Variants in GPM6A observed in about 807,000 individuals in gnomAD.
GPM6A encodes the protein glycoprotein M6A.
A neutral mutation model predicts 32.1 loss-of-function variants in GPM6A; 7 were observed. The ratio of observed to expected loss-of-function variants is 0.22; its 90% CI spans 0.12 to 0.41. The LOEUF is 0.41. GPM6A is among the 10% of genes least tolerant of loss of function. GPM6A has a pLI of 1.00. For synonymous variants in GPM6A, 130 were observed against 123.4 expected (o/e 1.05, Z -0.35); for missense variants, 235 against 347.2 (o/e 0.68, Z 2.57).
intron 1 of GPM6A, among the ~76,000 whole-genome samples, chr4:175,851,873 C>A (rs1183819473): frequency 6.6e-6 from 1 of 152,076 alleles, no homozygotes; most frequent in Non-Finnish European, 1.5e-5. Flanking sequence ...TCCAGTAAAA[C>A]CTGTTTTATG....
intron 1 of GPM6A, among the ~76,000 whole-genome samples, chr4:175,863,618 T>C (rs922530556): frequency 1.3e-5 from 2 of 152,226 alleles, no homozygotes; most frequent in African/African-American, 4.8e-5. Flanking sequence ...ATTACTGGTT[T>C]ATGAAAGCAC....
At chr4:175,785,366 T>C (rs1457987255) in intron 1 of GPM6A, among the ~76,000 whole-genome samples, 2 of 152,116 alleles carry the variant, frequency 1.3e-5, no homozygotes, top group Non-Finnish European at 2.9e-5. Context: ...CAGCATCACA[T>C]AGAACAGAAG....
At chr4:175,701,490 A>T in intron 2 of GPM6A, 85 bp downstream of exon 2, 1 of 924,000 alleles carries the variant, frequency 1.1e-6, no homozygotes. Flanking sequence ...TTATCACCTC[A>T]TCTAACTGTA....
intron 1 of GPM6A, among the ~76,000 whole-genome samples, chr4:175,733,712 G>C (rs1261669034): frequency 6.6e-6 from 1 of 151,954 alleles, no homozygotes; most frequent in Non-Finnish European, 1.5e-5. Context: ...TTCTATCTCT[G>C]AGAGACTATG....
At chr4:175,842,934 C>A (rs1364579418) in intron 1 of GPM6A, among the ~76,000 whole-genome samples, 1 of 151,042 alleles carries the variant, frequency 6.6e-6, no homozygotes, top group Non-Finnish European at 1.5e-5. Flanking sequence ...AATGATAATT[C>A]CTTATTAATA....
chr4:175,998,408 T>C (rs1031162415), intron 1 of GPM6A, among the ~76,000 whole-genome samples: 1 of 152,122 alleles, frequency 6.6e-6, no homozygotes, highest in Non-Finnish European at 1.5e-5. Flanking sequence ...CAGCTCGTCC[T>C]GCCTCTCAAA....
chr4:175,810,631 C>T (rs1383141597), intron 1 of GPM6A, among the ~76,000 whole-genome samples: 1 of 152,220 alleles, frequency 6.6e-6, no homozygotes, highest in Non-Finnish European at 1.5e-5. Context: ...CATGATTTAA[C>T]TCAAGGTTTT....
chr4:175,739,983 C>G (rs1247808549), intron 1 of GPM6A, among the ~76,000 whole-genome samples: 1 of 151,862 alleles, frequency 6.6e-6, no homozygotes, highest in African/African-American at 2.4e-5. Context: ...TCAAAAATGA[C>G]TTTAAAAAAG....
Position 175,910,257 on chromosome 4 carries a change from G to A in GPM6A, c.-23+92052C>T, listed in dbSNP as rs572873863. 3.3e-5 allele frequency among the ~76,000 whole-genome samples: 5 copies of A among 152,194 alleles called. No individual in the cohort carries two copies. The South Asian group carries it at 1.0e-3, about 32-fold the overall frequency. On this transcript the variant is annotated intron_variant, in intron 1 of 7. Transcript: ENST00000280187. ...GTGTTTCTACCATATGTCTTCTCTG[G>A]CTATTCTTAGGCTACATAAATTTCA...
chr4:175,698,585 T>C (rs1032056972), intron 2 of GPM6A, among the ~76,000 whole-genome samples: 1 of 152,176 alleles, frequency 6.6e-6, no homozygotes, highest in African/African-American at 2.4e-5. Context: ...TTGGCACTAA[T>C]CGTATTAAGA....
chr4:175,688,332 G>T (rs1744108476), intron 2 of GPM6A, among the ~76,000 whole-genome samples: 2 of 152,030 alleles, frequency 1.3e-5, no homozygotes, highest in Admixed American at 6.6e-5. Context: ...ATAATTTTAG[G>T]TCTTACATTT....
At chr4:175,987,524 T>TTGTGTGTGTGTG (rs141045074) in intron 1 of GPM6A, among the ~76,000 whole-genome samples, 9 of 148,688 alleles carry the variant, frequency 6.1e-5, no homozygotes, top group African/African-American at 2.0e-4. Flanking sequence ...TAAAGTGTGT[T>TTGTGTGTGTGTG]TGTGTGTGTG....
chr4:175,745,605 G>A (rs549638009), intron 1 of GPM6A, among the ~76,000 whole-genome samples: 21 of 152,172 alleles, frequency 1.4e-4, no homozygotes, highest in Admixed American at 3.3e-4. Flanking sequence ...TGACACAAAT[G>A]TGTGGTTCAC....
At chr4:175,890,636 G>A (rs1410550089) in intron 1 of GPM6A, among the ~76,000 whole-genome samples, 3 of 151,592 alleles carry the variant, frequency 2.0e-5, no homozygotes, top group Admixed American at 2.0e-4. Flanking sequence ...GTGCAATCAT[G>A]GCCCACCGCA....
chr4:175,860,221 G>A (rs1427906419), intron 1 of GPM6A, among the ~76,000 whole-genome samples: 2 of 151,452 alleles, frequency 1.3e-5, no homozygotes, highest in African/African-American at 2.4e-5. Context: ...AAATTGAAAA[G>A]AGTGAAACAA....
At chr4:175,759,917 C>T (rs779284328) in intron 1 of GPM6A, among the ~76,000 whole-genome samples, 4 of 152,214 alleles carry the variant, frequency 2.6e-5, no homozygotes, top group African/African-American at 7.2e-5. Flanking sequence ...CAGTGGCTCA[C>T]GCATGTAATC....
chr4:175,738,176 G>T (rs921727129), intron 1 of GPM6A, among the ~76,000 whole-genome samples: 3 of 152,268 alleles, frequency 2.0e-5, no homozygotes, highest in Admixed American at 6.5e-5. Context: ...GCCCTCAGGT[G>T]ATTTGCCTGC....
chr4:175,904,832 G>T (rs1216715430), intron 1 of GPM6A, among the ~76,000 whole-genome samples: 1 of 152,064 alleles, frequency 6.6e-6, no homozygotes, highest in Non-Finnish European at 1.5e-5. Flanking sequence ...AGTAACCAAA[G>T]AAGTTATTTT....
chr4:175,975,818 TTATC>T (rs1462222208), intron 1 of GPM6A, among the ~76,000 whole-genome samples: 1 of 152,200 alleles, frequency 6.6e-6, no homozygotes, highest in Non-Finnish European at 1.5e-5. Flanking sequence ...AGTTTATTAG[TTATC>T]TATCAAGAAA....
Sources: allele counts gnomAD v4.1 joint callset (sites outside exome capture counted in the v4.1 genomes callset), GRCh38; gene constraint gnomAD v4.1.1; transcripts MANE v1.5; gene names NCBI Gene and HGNC (gene_info 2026-07-23, HGNC 2026-07-21).